Variants in FBXL18 observed in about 807,000 individuals in gnomAD.
FBXL18 encodes the protein F-box/LRR-repeat protein 18.
Under a neutral mutation model 46.0 loss-of-function variants are expected in FBXL18, and 36 were observed. The observed-to-expected ratio is 0.78, with a 90% CI of 0.60 to 1.03. FBXL18 has a LOEUF of 1.03. Among genes scored for constraint, FBXL18 ranks in the 50% least tolerant of loss-of-function variants. The pLI is 0.00. For missense variants in FBXL18, 977 were observed against 1,004.1 expected, an observed-to-expected ratio of 0.97 and a Z score of 0.36; for synonymous variants, 557 against 465.3, an observed-to-expected ratio of 1.20 and a Z score of -2.54.
At chr7:5,463,713 T>TATATA (rs1251173661) in intron 4 of FBXL18, among the ~76,000 whole-genome samples, 6 of 66,912 alleles carry the variant, frequency 9.0e-5, no homozygotes, top group African/African-American at 1.2e-4. Flanking sequence ...TATTTATTTA[T>TATATA]TTATTTATTT....
rs138208570 is a variant in FBXL18 at position 5,462,950 on chromosome 7, C to CAAAAAAAAAA, written c.2001-15117_2001-15108dup. Among the ~76,000 whole-genome samples, 156 of 22,346 alleles carry CAAAAAAAAAA rather than the reference C, an allele frequency of 7.0e-3. 19 individuals carry two copies. Among genetic ancestry groups the CAAAAAAAAAA allele is most frequent in the Non-Finnish European group, 9.1e-3 (97 of 10,648 alleles). The allele number at this position is 22,346 out of a possible 152,430, so 14.7% of individuals were successfully genotyped here. A position where few individuals can be genotyped will look rare whatever the true frequency, so the allele number is the denominator to read the frequency against. ...TGGGCGACAGAGTGAGACTTGGTCT[C>CAAAAAAAAAA]AAAAAAAAAAAAAAAAAAAATATAT... is the stretch of plus-strand genomic sequence containing the variant. On this transcript the variant is annotated intron_variant and NMD_transcript_variant, in intron 4 of 6. Transcript: ENST00000415009.
downstream of FBXL18, among the ~76,000 whole-genome samples, chr7:5,474,404 G>A (rs1275188762): frequency 6.6e-6 from 1 of 151,198 alleles, no homozygotes; most frequent in Non-Finnish European, 1.5e-5. Flanking sequence ...GACCTCCCAG[G>A]CTCAAGCGAT....
At chr7:5,463,699 T>A in intron 4 of FBXL18, among the ~76,000 whole-genome samples, 1 of 61,520 alleles carries the variant, frequency 1.6e-5, no homozygotes, top group African/African-American at 7.4e-5. Context: ...CTGAACTATA[T>A]ATATATTTAT....
At chr7:5,487,955 C>T (rs1255426374) in intron 4 of FBXL18, among the ~76,000 whole-genome samples, 1 of 152,242 alleles carries the variant, frequency 6.6e-6, no homozygotes, top group Non-Finnish European at 1.5e-5. Flanking sequence ...TCCAACACCA[C>T]GCAGCAAGCA....
Position 5,479,867 on chromosome 7 carries a change from C to G in FBXL18, c.*1908G>C. 1 of 152,466 alleles carries G rather than the reference C, an allele frequency of 6.6e-6. No homozygotes were observed. The allele number at this position is 152,466 out of a possible 1,614,324, so 9.4% of individuals were successfully genotyped here. A position where few individuals can be genotyped will look rare whatever the true frequency, so the allele number is the denominator to read the frequency against. On this transcript the variant is annotated 3_prime_UTR_variant, in exon 5 of 5. Coordinates refer to ENST00000382368, the MANE Select transcript of FBXL18 (RefSeq NM_024963.6). ...GTGGGCTTCAGAGAGGAGGCGATGA[C>G]CCCATACATACAAGAAAGTCAGGGT...
At chr7:5,504,670 C>T (rs1425987533) in intron 2 of FBXL18, among the ~76,000 whole-genome samples, 2 of 148,644 alleles carry the variant, frequency 1.3e-5, no homozygotes, top group African/African-American at 4.9e-5. Flanking sequence ...AATCCCAGCA[C>T]TTTGGGATGT....
In FBXL18 at chr7:5,513,729, C is replaced by G. The variant is rs1215630995; in HGVS notation, c.-55G>C. ...GGATCCGCAACCCCGTGCCTCCCACCTGCCCGGCTAGGGATGCTCGAAGCC... is the reference window on the plus strand; with the variant it reads ...GGATCCGCAACCCCGTGCCTCCCACGTGCCCGGCTAGGGATGCTCGAAGCC... On this transcript the variant is annotated 5_prime_UTR_variant, in exon 1 of 5. Coordinates refer to ENST00000382368, the MANE Select transcript of FBXL18 (RefSeq NM_024963.6). 6.3e-7 allele frequency: 1 copy of G among 1,580,488 alleles called. No homozygotes were observed. The highest frequency in any genetic ancestry group is 1.3e-5 in the African/African-American group (1 of 74,138).
intron 4 of FBXL18, among the ~76,000 whole-genome samples, chr7:5,490,471 G>A (rs1467785531): frequency 6.6e-6 from 1 of 152,236 alleles, no homozygotes; most frequent in Non-Finnish European, 1.5e-5. Flanking sequence ...CCTGTCACGA[G>A]GGGAAGCGGA....
chr7:5,486,902 G>A (rs186824810), intron 4 of FBXL18, among the ~76,000 whole-genome samples: 440 of 152,350 alleles, frequency 2.9e-3, no homozygotes, highest in South Asian at 7.0e-3. Flanking sequence ...CCGGGGCCAG[G>A]TCCTCCCTCT....
intron 1 of FBXL18, among the ~76,000 whole-genome samples, chr7:5,511,293 C>G (rs1382532641): frequency 6.6e-6 from 1 of 151,192 alleles, no homozygotes; most frequent in Non-Finnish European, 1.5e-5. Flanking sequence ...AAAAATTAGC[C>G]AGGGGCCGGG....
intron 1 of FBXL18, among the ~76,000 whole-genome samples, chr7:5,509,210 A>T (rs1472202139): frequency 1.4e-5 from 2 of 145,640 alleles, no homozygotes; most frequent in East Asian, 4.0e-4. Flanking sequence ...AAAAAAAAAA[A>T]TCCAGCATCA....
chr7:5,468,583 T>C (rs1176688188), intron 4 of FBXL18, among the ~76,000 whole-genome samples: 1 of 152,190 alleles, frequency 6.6e-6, no homozygotes, highest in Non-Finnish European at 1.5e-5. Context: ...ATAATAGAAC[T>C]AAGTTTACCT....
Position 5,480,415 on chromosome 7 carries a change from T to A in FBXL18, c.*1360A>T, listed in dbSNP as rs1424783623. 6.6e-6 allele frequency: 1 copy of A among 152,062 alleles called. No homozygotes were observed. The highest frequency in any genetic ancestry group is 6.6e-5 in the Admixed American group (1 of 15,252). The allele number at this position is 152,062 out of a possible 1,614,324, so 9.4% of individuals were successfully genotyped here. On this transcript the variant is annotated 3_prime_UTR_variant, in exon 5 of 5. Transcript: ENST00000382368. ...CTCAGATGCCAGGAGGATGTCCTCA[T>A]TTTTGGAATAACTTTGTTTTTTTCT...
chr7:5,477,648 G>C lies in FBXL18; in HGVS notation c.*4127C>G, dbSNP rs1164159903. ...ACCTGTGAGGTGGAGGTTGTAGTGA[G>C]TGAGCTGAGATCGTGCCACTGCACT... On this transcript the variant is annotated 3_prime_UTR_variant, in exon 5 of 5. Transcript: ENST00000382368. This position sits in a 1 kb window ranked among gnomAD's most constrained non-coding sequence, Gnocchi z 4.4. The C allele has an allele frequency of 1.3e-5, 2 of 152,102 alleles. No homozygotes were observed. The highest frequency in any genetic ancestry group is 3.9e-4 in the East Asian group (2 of 5,174). 9.4% of individuals were successfully genotyped at this position (152,102 alleles called of 1,614,324 possible).
chr7:5,470,034 C>T (rs1445143954), intron 4 of FBXL18, among the ~76,000 whole-genome samples: 3 of 151,942 alleles, frequency 2.0e-5, no homozygotes, highest in East Asian at 3.9e-4. Context: ...GGCGTGGGGC[C>T]GTTGGACGAG....
intron 4 of FBXL18, among the ~76,000 whole-genome samples, chr7:5,456,639 GAAA>G (rs11442038): frequency 7.1e-6 from 1 of 140,178 alleles, no homozygotes; most frequent in African/African-American, 2.7e-5. Context: ...TTAAGGTATG[GAAA>G]AAAAAAAAAA....
chr7:5,463,942 T>C (rs1783303512), intron 4 of FBXL18, among the ~76,000 whole-genome samples: 1 of 151,186 alleles, frequency 6.6e-6, no homozygotes, highest in South Asian at 2.1e-4. Flanking sequence ...GGTTTCGCCA[T>C]GTTGGTCAGT....
At position 5,500,569 on chromosome 7, in the gene FBXL18, T is replaced by A. The variant is rs555236372; in HGVS notation, c.1700A>T (p.Asn567Ile). Residue 567 changes from asparagine (N) to isoleucine (I), a missense_variant, in exon 3 of 5, where the codon AAC becomes ATC. Coordinates refer to ENST00000382368, the MANE Select transcript of FBXL18 (RefSeq NM_024963.6). ...CACCACCTTCCCCATCATGCCCAGG[T>A]TGGCCAGCGACAGGGACCGCAACTG... ...CQQLRSLSLA[N>I]LGMMGKVVYM... The A allele has an allele frequency of 1.2e-6, 2 of 1,613,556 alleles. No homozygotes were observed. The highest frequency in any genetic ancestry group is 1.3e-5 in the African/African-American group (1 of 75,048).
At chr7:5,463,132 TCAAA>T (rs1171852196) in intron 4 of FBXL18, among the ~76,000 whole-genome samples, 1 of 150,298 alleles carries the variant, frequency 6.7e-6, no homozygotes, top group Non-Finnish European at 1.5e-5. Flanking sequence ...ATGCCTGTAA[TCAAA>T]CAGACAGAAA....
Sources: allele counts gnomAD v4.1 joint callset (sites outside exome capture counted in the v4.1 genomes callset), GRCh38; gene constraint gnomAD v4.1.1; non-coding constraint Gnocchi (gnomAD v3.1); transcripts MANE v1.5; gene names NCBI Gene and HGNC (gene_info 2026-07-23, HGNC 2026-07-21).